Variants in GRIK2 observed in about 807,000 individuals in gnomAD.
GRIK2 encodes glutamate ionotropic receptor kainate type subunit 2.
GRIK2 carries 32 observed loss-of-function variants against 100.3 expected under a neutral mutation model. The ratio of observed to expected loss-of-function variants is 0.32; its 90% confidence interval spans 0.24 to 0.43. The LOEUF is 0.43. Among genes scored for constraint, GRIK2 ranks in the 20% least tolerant of loss-of-function variants. The pLI is 1.00. For synonymous variants in GRIK2, 417 were observed against 389.4 expected (o/e 1.07, Z -0.83); for missense variants, 843 against 1,114.9 (o/e 0.76, Z 3.47).
intron 2 of GRIK2, among the ~76,000 whole-genome samples, chr6:101,404,882 T>C (rs1360949154): frequency 6.6e-6 from 1 of 152,236 alleles, no homozygotes; most frequent in African/African-American, 2.4e-5. Context: ...CATTATTGAC[T>C]AGTCTAGATT....
At chr6:101,769,654 A>T (rs1172855000) in intron 7 of GRIK2, among the ~76,000 whole-genome samples, 1 of 152,160 alleles carries the variant, frequency 6.6e-6, no homozygotes, top group Non-Finnish European at 1.5e-5. Context: ...TTTCTAAATA[A>T]ATGTATATAC....
intron 16 of GRIK2, among the ~76,000 whole-genome samples, chr6:102,062,542 A>C (rs1192788573): frequency 6.6e-6 from 1 of 150,596 alleles, no homozygotes; most frequent in Non-Finnish European, 1.5e-5. Context: ...GCTACATGTA[A>C]AGTTTCTTTT....
At chr6:101,850,692 A>T (rs769155692) in intron 10 of GRIK2, among the ~76,000 whole-genome samples, 2 of 152,042 alleles carry the variant, frequency 1.3e-5, no homozygotes, top group Non-Finnish European at 2.9e-5. Context: ...TATATGAGTT[A>T]TTGGGTTCCT....
At chr6:102,051,302 T>TTCCTTCCG in intron 15 of GRIK2, among the ~76,000 whole-genome samples, 1 of 145,306 alleles carries the variant, frequency 6.9e-6, no homozygotes. Flanking sequence ...CCTTCCTTCC[T>TTCCTTCCG]TCCTTCCTTC....
In GRIK2 at chr6:101,943,811, T is replaced by C. The variant is rs374653554; in HGVS notation, c.2085+15179T>C. ...TTACAGGCTCATAGGCAAAAGATACTTATCTTGTCTCAGATGAAACTTGGA... is the reference window on the plus strand; with the variant it reads ...TTACAGGCTCATAGGCAAAAGATACCTATCTTGTCTCAGATGAAACTTGGA... On this transcript the variant is annotated intron_variant, in intron 14 of 16. Transcript: ENST00000369134. 4.1e-4 allele frequency among the ~76,000 whole-genome samples: 62 copies of C among 152,334 alleles called. 2 individuals carry two copies. The highest frequency in any genetic ancestry group is 1.4e-3 in the African/African-American group (60 of 41,584).
intron 7 of GRIK2, among the ~76,000 whole-genome samples, chr6:101,723,157 G>T (rs1242132191): frequency 6.6e-6 from 1 of 152,046 alleles, no homozygotes; most frequent in Non-Finnish European, 1.5e-5. Context: ...GTCTTCAAAT[G>T]CAAAGGATAA....
intron 14 of GRIK2, among the ~76,000 whole-genome samples, chr6:101,931,535 C>A (rs1478681250): frequency 1.3e-5 from 2 of 152,130 alleles, no homozygotes. Flanking sequence ...CTCAGCATTG[C>A]AAAGACATAG....
At chr6:101,966,807 TAA>T (rs1160162568) in intron 14 of GRIK2, among the ~76,000 whole-genome samples, 1 of 152,150 alleles carries the variant, frequency 6.6e-6, no homozygotes, top group Non-Finnish European at 1.5e-5. Context: ...GATTTTTAGC[TAA>T]GTCTTATAAT....
chr6:101,631,205 T>G (rs1198411856), intron 4 of GRIK2, among the ~76,000 whole-genome samples: 4 of 152,180 alleles, frequency 2.6e-5, no homozygotes, highest in Non-Finnish European at 4.4e-5. Context: ...TGTGTTTCTG[T>G]CAGTCATTTT....
intron 13 of GRIK2, among the ~76,000 whole-genome samples, chr6:101,924,971 A>T (rs1266545468): frequency 6.6e-6 from 1 of 152,190 alleles, no homozygotes; most frequent in African/African-American, 2.4e-5. Flanking sequence ...CAGTAGATAC[A>T]TTATTTCATA....
At chr6:101,454,134 TTTTC>T (rs1269594008) in intron 2 of GRIK2, among the ~76,000 whole-genome samples, 1 of 152,076 alleles carries the variant, frequency 6.6e-6, no homozygotes, top group African/African-American at 2.4e-5. Flanking sequence ...CTCTTTCCTG[TTTTC>T]TTTTTCTTCC....
At chr6:101,513,740 GAGATATGATTAA>G (rs1774436788) in intron 2 of GRIK2, among the ~76,000 whole-genome samples, 1 of 152,050 alleles carries the variant, frequency 6.6e-6, no homozygotes, top group South Asian at 2.1e-4. Flanking sequence ...CAGAATTTGT[GAGATATGATTAA>G]AGTAGTGCTG....
rs781171422 is a variant in GRIK2, at chr6:102,068,504, T to C, written c.2720T>C (p.Met907Thr). The change falls in exon 17 of 17, where the codon ATG becomes ACG. Residue 907 changes from methionine to threonine, a missense_variant. Met to Thr is a moderately conservative substitution (Grantham distance 81, BLOSUM62 -1). This residue lies in a region of GRIK2 where 87 missense variants were observed against 83.2 expected (regional missense o/e 1.05). Transcript: ENST00000369134. Reference sequence around the variant, plus strand: ...AGAAGGTTGCCAGGTAAAGAAACCATGGCATAAAGCTGGGAGGCCAAACAC... The same window carrying C: ...AGAAGGTTGCCAGGTAAAGAAACCACGGCATAAAGCTGGGAGGCCAAACAC... ...NDRRLPGKET[M>T]A 1.9e-6 allele frequency: 3 copies of C among 1,610,842 alleles called. No homozygotes were observed. The highest frequency in any genetic ancestry group is 1.3e-5 in the African/African-American group (1 of 74,672).
chr6:101,413,173 T>C (rs547349833), intron 2 of GRIK2, among the ~76,000 whole-genome samples: 5 of 152,124 alleles, frequency 3.3e-5, no homozygotes, highest in African/African-American at 9.6e-5. Flanking sequence ...ATGACTAAAC[T>C]TGGCTACAAA....
At chr6:101,552,750 A>T (rs938860764) in intron 2 of GRIK2, among the ~76,000 whole-genome samples, 1 of 152,192 alleles carries the variant, frequency 6.6e-6, no homozygotes, top group African/African-American at 2.4e-5. Context: ...TGATGTACTC[A>T]GCATTCTATT....
At chr6:101,702,216 T>C (rs1380153886) in intron 7 of GRIK2, among the ~76,000 whole-genome samples, 1 of 152,048 alleles carries the variant, frequency 6.6e-6, no homozygotes, top group Non-Finnish European at 1.5e-5. Flanking sequence ...ACTTTGCAAG[T>C]ATCTCTTTAT....
intron 4 of GRIK2, among the ~76,000 whole-genome samples, chr6:101,635,032 C>A (rs941557761): frequency 6.6e-6 from 1 of 151,774 alleles, no homozygotes; most frequent in Admixed American, 6.6e-5. Context: ...AATGTATATT[C>A]CTGGAAGACA....
intron 2 of GRIK2, among the ~76,000 whole-genome samples, chr6:101,419,306 C>A (rs969211586): frequency 6.6e-6 from 1 of 152,106 alleles, no homozygotes. Flanking sequence ...GTAGCTCTTT[C>A]TTTGTGTAGC....
In GRIK2 at chr6:101,421,813, A is replaced by G. The variant is rs568218223; in HGVS notation, c.115+22421A>G. ...TATGATCTCTTAGAGAAACAACAAT[A>G]GGATTTTTAAGCAATCTCAAGTACG... is the stretch of plus-strand genomic sequence containing the variant. On this transcript the variant is annotated intron_variant, in intron 2 of 16. Coordinates refer to ENST00000369134, the MANE Select transcript of GRIK2 (RefSeq NM_021956.5). Among the ~76,000 whole-genome samples, 7 of 152,316 alleles carry G rather than the reference A, an allele frequency of 4.6e-5. No homozygotes were observed. The South Asian group carries it at 1.5e-3, about 32-fold the overall frequency.
Sources: allele counts gnomAD v4.1 joint callset (sites outside exome capture counted in the v4.1 genomes callset), GRCh38; gene constraint gnomAD v4.1.1; regional missense constraint gnomAD v4.1.1; transcripts MANE v1.5; gene names NCBI Gene and HGNC (gene_info 2026-07-23, HGNC 2026-07-21).